WWC1: variants seen among roughly 807,000 people sequenced by gnomAD.
The protein encoded by WWC1 is protein KIBRA.
Under a neutral mutation model 138.4 loss-of-function variants are expected in WWC1, and 55 were observed. The observed-to-expected ratio is 0.40, with a 90% CI of 0.32 to 0.50. The LOEUF is 0.50. Among genes scored for constraint, WWC1 ranks in the 20% least tolerant of loss-of-function variants. The pLI, the probability that WWC1 is intolerant of heterozygous loss-of-function variation, is 0.72. For missense variants in WWC1, 1,226 were observed against 1,420.4 expected, an observed-to-expected ratio of 0.86 and a Z score of 2.20; for synonymous variants, 524 against 564.9, an observed-to-expected ratio of 0.93 and a Z score of 1.03.
intron 1 of WWC1, among the ~76,000 whole-genome samples, chr5:168,340,248 G>C (rs999165876): frequency 6.6e-6 from 1 of 152,156 alleles, no homozygotes; most frequent in African/African-American, 2.4e-5. Context: ...GCTAAGTTTT[G>C]TATTTTTAGT....
chr5:168,341,353 G>A (rs952837753), intron 1 of WWC1, among the ~76,000 whole-genome samples: 7 of 152,106 alleles, frequency 4.6e-5, no homozygotes, highest in East Asian at 1.9e-4. Flanking sequence ...TCGAGGGTGC[G>A]GCCAGTATAG....
Position 168,341,718 on chromosome 5 carries a change from A to C in WWC1, c.120-29706A>C, listed in dbSNP as rs541908162. On this transcript the variant is annotated intron_variant, in intron 1 of 22. Transcript: ENST00000265293. ...TTGCTGATTTAAAAAAAAAAAAAAG[A>C]TTTTGGAAAAAGTAAGGCCTGGGTC... Among the ~76,000 whole-genome samples, 5 of 147,518 alleles carry C rather than the reference A, an allele frequency of 3.4e-5. No homozygotes were observed. The East Asian group carries it at 9.9e-4, about 29-fold the overall frequency.
At chr5:168,384,227 A>G (rs1245795456) in intron 2 of WWC1, among the ~76,000 whole-genome samples, 2 of 152,168 alleles carry the variant, frequency 1.3e-5, no homozygotes, top group East Asian at 3.8e-4. Flanking sequence ...TCTCATTGGT[A>G]TAATGGGGAT....
At chr5:168,425,187 G>A (rs1181999832) in intron 11 of WWC1, among the ~76,000 whole-genome samples, 3 of 152,074 alleles carry the variant, frequency 2.0e-5, no homozygotes, top group African/African-American at 2.4e-5. Context: ...TTCTGGCCCC[G>A]GAACCCAACC....
intron 2 of WWC1, among the ~76,000 whole-genome samples, chr5:168,375,788 T>G (rs1173994578): frequency 6.6e-6 from 1 of 152,132 alleles, no homozygotes; most frequent in Non-Finnish European, 1.5e-5. Context: ...TTGGCCAGGC[T>G]GGTCTCAAAC....
intron 1 of WWC1, among the ~76,000 whole-genome samples, chr5:168,355,654 T>C (rs1023280430): frequency 2.6e-5 from 4 of 151,988 alleles, no homozygotes; most frequent in East Asian, 3.9e-4. Context: ...ATTCTGAGTA[T>C]TGAGAAAGGT....
intron 10 of WWC1, among the ~76,000 whole-genome samples, chr5:168,422,979 C>T (rs549051684): frequency 6.6e-6 from 1 of 151,840 alleles, no homozygotes; most frequent in Non-Finnish European, 1.5e-5. Context: ...AACCCCCTCT[C>T]TACTAAAATA....
intron 3 of WWC1, among the ~76,000 whole-genome samples, chr5:168,394,980 C>T (rs530665927): frequency 2.0e-5 from 3 of 152,342 alleles, no homozygotes; most frequent in African/African-American, 7.2e-5. Context: ...AAATTGTGCA[C>T]TTCACAGTGA....
chr5:168,379,872 C>G (rs1258984178), intron 2 of WWC1, among the ~76,000 whole-genome samples: 4 of 152,060 alleles, frequency 2.6e-5, no homozygotes, highest in Non-Finnish European at 5.9e-5. Flanking sequence ...AGATCATAGA[C>G]CTAAACATAA....
chr5:168,457,031 T>A (rs1756392062), intron 19 of WWC1, among the ~76,000 whole-genome samples: 1 of 152,116 alleles, frequency 6.6e-6, no homozygotes, highest in Non-Finnish European at 1.5e-5. Flanking sequence ...CACCAAGCAC[T>A]ATGCTTCCAC....
At chr5:168,306,490 G>A (rs1038635030) in intron 1 of WWC1, among the ~76,000 whole-genome samples, 1 of 152,140 alleles carries the variant, frequency 6.6e-6, no homozygotes, top group African/African-American at 2.4e-5. Flanking sequence ...TTTTCCTGAT[G>A]GGTGAAGAAT....
In WWC1 at chr5:168,410,011, C is replaced by T. The variant is rs185293334; in HGVS notation, c.941+16C>T. 3.9e-3 allele frequency: 6,356 copies of T among 1,610,758 alleles called. 108 individuals are homozygous for T. Among genetic ancestry groups the T allele is most frequent in the South Asian group, 0.031 (2,852 of 91,020 alleles). ...CTAAGAGAAGGTAATTGGGCTGGGG[C>T]TAGGGGCGGGATGGTTCCAAAAATA... On this transcript the variant is annotated intron_variant, in intron 8 of 22. Coordinates refer to ENST00000265293, the MANE Select transcript of WWC1 (RefSeq NM_015238.3).
Position 168,423,594 on chromosome 5 carries a change from C to T in WWC1, c.1336C>T (p.Arg446Trp), listed in dbSNP as rs143285752. 38 of 1,613,952 alleles carry T rather than the reference C, an allele frequency of 2.4e-5. No individual in the cohort carries two copies. The highest frequency in any genetic ancestry group is 2.8e-5 in the Non-Finnish European group (33 of 1,180,012). Residue 446 changes from arginine (R) to tryptophan (W), a missense_variant, in exon 11 of 23, where the codon CGG becomes TGG. Coordinates refer to ENST00000265293, the MANE Select transcript of WWC1 (RefSeq NM_015238.3). ...CAGCCCCGGATCCCTCACGTCCAGC[C>T]GGGGCTCCCTGGTTGCATCCAGCCT... is the stretch of plus-strand genomic sequence containing the variant. ...GSSPGSLTSSRGSLVASSLDS... is the reference protein window; with the variant it reads ...GSSPGSLTSSWGSLVASSLDS...
At chr5:168,338,327 A>C (rs1231270029) in intron 1 of WWC1, among the ~76,000 whole-genome samples, 2 of 151,406 alleles carry the variant, frequency 1.3e-5, no homozygotes, top group South Asian at 2.1e-4. Context: ...AAAAAACTAA[A>C]TAAATAAATA....
chr5:168,418,705 C>A (rs1027296610), intron 9 of WWC1, among the ~76,000 whole-genome samples: 2 of 152,082 alleles, frequency 1.3e-5, no homozygotes, highest in African/African-American at 4.8e-5. Flanking sequence ...CCAGCACACA[C>A]CTCTGTGGCT....
intron 1 of WWC1, among the ~76,000 whole-genome samples, chr5:168,338,265 C>T (rs977077080): frequency 3.3e-5 from 5 of 150,174 alleles, no homozygotes; most frequent in Admixed American, 1.3e-4. Context: ...GAGCCGAGAT[C>T]GCGCCACTGC....
intron 1 of WWC1, among the ~76,000 whole-genome samples, chr5:168,312,166 G>A (rs114420099): frequency 0.028 from 4,322 of 151,862 alleles, 213 homozygotes; most frequent in African/African-American, 0.097. Flanking sequence ...TACAGTGACC[G>A]AGATTGCACC....
intron 1 of WWC1, among the ~76,000 whole-genome samples, chr5:168,354,939 A>G (rs1775277865): frequency 6.6e-6 from 1 of 152,190 alleles, no homozygotes; most frequent in Non-Finnish European, 1.5e-5. Context: ...AAGCAAGACC[A>G]AAAACGCCCC....
intron 1 of WWC1, among the ~76,000 whole-genome samples, chr5:168,356,151 C>G (rs1775396012): frequency 6.6e-6 from 1 of 152,166 alleles, no homozygotes; most frequent in African/African-American, 2.4e-5. Context: ...GGTGCTCTAC[C>G]CAATTCATGG....
Sources: allele counts gnomAD v4.1 joint callset (sites outside exome capture counted in the v4.1 genomes callset), GRCh38; gene constraint gnomAD v4.1.1; transcripts MANE v1.5; gene names NCBI Gene and HGNC (gene_info 2026-07-23, HGNC 2026-07-21).